Variants in PHLPP1 observed in about 807,000 individuals in gnomAD.
The protein encoded by PHLPP1 is PH domain and leucine rich repeat protein phosphatase 1, also known as PH domain leucine-rich repeat-containing protein phosphatase 1.
PHLPP1 carries 42 observed loss-of-function variants against 117.2 expected under a neutral mutation model. The observed-to-expected ratio is 0.36, with a 90% CI of 0.28 to 0.46. The LOEUF (loss-of-function observed/expected upper bound fraction) is 0.46. Ranked by LOEUF, PHLPP1 falls within the 20% of genes least tolerant of loss-of-function variation. The pLI is 1.00. For synonymous variants in PHLPP1, 1,042 were observed against 970.7 expected (o/e 1.07, Z -1.37); for missense variants, 2,084 against 2,241.9 (o/e 0.93, Z 1.42).
At chr18:62,894,524 C>T (rs771659865) in intron 4 of PHLPP1, among the ~76,000 whole-genome samples, 4 of 152,136 alleles carry the variant, frequency 2.6e-5, no homozygotes, top group African/African-American at 4.8e-5. Flanking sequence ...TTTGGAACTG[C>T]GAAGTCCTGG....
intron 1 of PHLPP1, among the ~76,000 whole-genome samples, chr18:62,771,934 A>T (rs1261114702): frequency 6.6e-6 from 1 of 152,142 alleles, no homozygotes; most frequent in Non-Finnish European, 1.5e-5. Context: ...AAAGTTTCAG[A>T]TTTGGGAGCA....
At chr18:62,766,076 A>AAAAAAAAATATATATATATATATAT in intron 1 of PHLPP1, among the ~76,000 whole-genome samples, 3 of 21,652 alleles carry the variant, frequency 1.4e-4, no homozygotes, top group Non-Finnish European at 1.7e-4. Flanking sequence ...AAAAAAAAAA[A>AAAAAAAAATATATATATATATATAT]ATATATATAT....
chr18:62,875,774 C>T (rs1258524859), intron 4 of PHLPP1, among the ~76,000 whole-genome samples: 5 of 151,884 alleles, frequency 3.3e-5, no homozygotes, highest in Middle Eastern at 3.4e-3. Flanking sequence ...ATCCTCCCCC[C>T]GAGGTTGGAG....
intron 3 of PHLPP1, among the ~76,000 whole-genome samples, chr18:62,848,544 G>T (rs1327811780): frequency 6.7e-6 from 1 of 149,696 alleles, no homozygotes; most frequent in Non-Finnish European, 1.5e-5. Context: ...TTCACTGCAG[G>T]CTTTGACCTT....
Position 62,967,353 on chromosome 18 carries a change from G to A in PHLPP1, c.3560+3881G>A, listed in dbSNP as rs73963643. ...TTCCAAAGTGCCTGTATCATTTCGC[G>A]CTCCCAACAGCAATGTCTAAGAGTT... On this transcript the variant is annotated intron_variant, in intron 14 of 16. Coordinates refer to ENST00000262719, the MANE Select transcript of PHLPP1 (RefSeq NM_194449.4). Among the ~76,000 whole-genome samples the A allele has an allele frequency of 5.3e-3, 801 of 152,230 alleles. 7 individuals are homozygous for A. The highest frequency in any genetic ancestry group is 0.018 in the African/African-American group (760 of 41,544).
rs73465044 is a variant in PHLPP1 at position 62,722,011 on chromosome 18, C to T, written c.1576+4752C>T. On this transcript the variant is annotated intron_variant, in intron 1 of 16. Transcript: ENST00000262719. ...ATTTAATTTGTGGAATTTTGTTAAG[C>T]AGCTGGTGGTGTGTGCCCTGATTTT... Among the ~76,000 whole-genome samples the T allele has an allele frequency of 2.7e-3, 414 of 152,274 alleles. 5 individuals are homozygous for T. The highest frequency in any genetic ancestry group is 9.6e-3 in the African/African-American group (398 of 41,558).
intron 3 of PHLPP1, among the ~76,000 whole-genome samples, chr18:62,849,432 G>A (rs544292467): frequency 3.3e-5 from 5 of 151,908 alleles, no homozygotes; most frequent in East Asian, 1.9e-4. Flanking sequence ...AAGCTGAGGC[G>A]GGTGGATCAC....
chr18:62,950,965 G>A (rs933249690), intron 12 of PHLPP1, among the ~76,000 whole-genome samples: 2 of 151,862 alleles, frequency 1.3e-5, no homozygotes, highest in Admixed American at 6.6e-5. Context: ...TTGGTGTAAT[G>A]AGTTAACCCA....
At chr18:62,753,469 T>A (rs1361563015) in intron 1 of PHLPP1, among the ~76,000 whole-genome samples, 1 of 152,224 alleles carries the variant, frequency 6.6e-6, no homozygotes. Context: ...CAATGTCCCA[T>A]AAGTTGCACA....
chr18:62,945,050 C>T, intron 11 of PHLPP1, 59 bp from the exon 12 acceptor site: 1 of 1,241,758 alleles, frequency 8.1e-7, no homozygotes, highest in Non-Finnish European at 1.1e-6. Context: ...TTTAATTCAT[C>T]CTTTGATTCT....
chr18:62,963,699 T>A (rs985443137), intron 14 of PHLPP1, among the ~76,000 whole-genome samples: 2 of 152,194 alleles, frequency 1.3e-5, no homozygotes, highest in Non-Finnish European at 2.9e-5. Flanking sequence ...GTTGCTAGGA[T>A]ACAAGGTAAC....
intron 4 of PHLPP1, among the ~76,000 whole-genome samples, chr18:62,862,373 G>A (rs577729209): frequency 6.6e-6 from 1 of 151,864 alleles, no homozygotes; most frequent in East Asian, 1.9e-4. Context: ...GAACCACTGC[G>A]CCCAGCCAAT....
intron 4 of PHLPP1, among the ~76,000 whole-genome samples, chr18:62,873,839 G>A (rs1181831467): frequency 2.0e-5 from 3 of 152,006 alleles, no homozygotes; most frequent in Admixed American, 6.6e-5. Flanking sequence ...AGATCAAAAC[G>A]CTTTTAATAT....
In PHLPP1 at chr18:62,822,284, T is replaced by TG. The variant is rs1467536178; in HGVS notation, c.1577-7751_1577-7750insG. On this transcript the variant is annotated intron_variant, in intron 1 of 16. Coordinates refer to ENST00000262719, the MANE Select transcript of PHLPP1 (RefSeq NM_194449.4). ...AATAGTGTTTTTTTTTTTTTTGTTT[T>TG]TGTTTTTTTTTTTTTGAGACAGAGT... Among the ~76,000 whole-genome samples, 616 of 142,026 alleles carry TG rather than the reference T, an allele frequency of 4.3e-3. 13 individuals are homozygous for TG. Among genetic ancestry groups the TG allele is most frequent in the African/African-American group, 0.014 (548 of 38,960 alleles). 93.2% of individuals were successfully genotyped at this position (142,026 alleles called of 152,430 possible).
chr18:62,866,944 T>G (rs1915786073), intron 4 of PHLPP1, among the ~76,000 whole-genome samples: 1 of 152,230 alleles, frequency 6.6e-6, no homozygotes, highest in South Asian at 2.1e-4. Context: ...TGCGCTACCT[T>G]TGAGAGCTGA....
intron 3 of PHLPP1, among the ~76,000 whole-genome samples, chr18:62,857,626 C>T (rs1294870874): frequency 6.6e-6 from 1 of 152,024 alleles, no homozygotes; most frequent in Non-Finnish European, 1.5e-5. Flanking sequence ...GGATTTGGGG[C>T]AAAAAACACA....
At chr18:62,807,673 G>C (rs1913988406) in intron 1 of PHLPP1, among the ~76,000 whole-genome samples, 1 of 152,196 alleles carries the variant, frequency 6.6e-6, no homozygotes, top group African/African-American at 2.4e-5. Flanking sequence ...CTATAAACCT[G>C]TGCAGCGTGT....
chr18:62,789,111 C>T (rs536817369), intron 1 of PHLPP1, among the ~76,000 whole-genome samples: 1 of 152,112 alleles, frequency 6.6e-6, no homozygotes, highest in Non-Finnish European at 1.5e-5. Context: ...GGGAGAACCA[C>T]ACTGATGTCA....
intron 1 of PHLPP1, among the ~76,000 whole-genome samples, chr18:62,718,553 T>A (rs1237492744): frequency 6.6e-6 from 1 of 152,248 alleles, no homozygotes; most frequent in African/African-American, 2.4e-5. Flanking sequence ...ATGAATCTTT[T>A]ACTTGTAAAG....
Sources: allele counts gnomAD v4.1 joint callset (sites outside exome capture counted in the v4.1 genomes callset), GRCh38; gene constraint gnomAD v4.1.1; transcripts MANE v1.5; gene names NCBI Gene and HGNC (gene_info 2026-07-23, HGNC 2026-07-21).